CYSTM1: variants seen among roughly 807,000 people sequenced by gnomAD.
The protein encoded by CYSTM1 is cysteine rich transmembrane module containing 1, also known as cysteine-rich transmembrane module-containing protein 1.
Under a neutral mutation model 13.1 loss-of-function variants are expected in CYSTM1, and 4 were observed. That is an observed-to-expected ratio of 0.31 (90% confidence interval 0.15 to 0.70). The LOEUF (loss-of-function observed/expected upper bound fraction) is 0.70, where lower values mean the gene tolerates loss of function less well. CYSTM1 is among the 30% of genes least tolerant of loss of function. The pLI is 0.72. For missense variants in CYSTM1, 96 were observed against 121.6 expected (o/e 0.79, Z 0.99); for synonymous variants, 36 against 42.7 (o/e 0.84, Z 0.62).
At chr5:140,189,069 A>G (rs1457789248) in intron 1 of CYSTM1, among the ~76,000 whole-genome samples, 4 of 152,126 alleles carry the variant, frequency 2.6e-5, no homozygotes, top group African/African-American at 9.7e-5. Flanking sequence ...TTCAGTATCC[A>G]CAGATTTGTT....
intron 2 of CYSTM1, among the ~76,000 whole-genome samples, chr5:140,227,641 A>C (rs1213100824): frequency 6.6e-6 from 1 of 152,122 alleles, no homozygotes; most frequent in Non-Finnish European, 1.5e-5. Flanking sequence ...CCCAGGACTG[A>C]GGATGGGGCC....
intron 2 of CYSTM1, among the ~76,000 whole-genome samples, chr5:140,207,051 A>T (rs1764307477): frequency 6.6e-6 from 1 of 152,162 alleles, no homozygotes. Flanking sequence ...TGGTGTTTTC[A>T]TGGAATGCCT....
intron 2 of CYSTM1, chr5:140,200,102 T>TG (rs80301281): frequency 0.5 from 76,596 of 151,930 alleles, 19,552 homozygotes; most frequent in East Asian, 0.55. Context: ...TTTCTTTTGC[T>TG]GTGCAGAAGC....
intron 1 of CYSTM1, among the ~76,000 whole-genome samples, chr5:140,190,006 C>G (rs893480902): frequency 3.9e-5 from 6 of 152,110 alleles, no homozygotes; most frequent in Non-Finnish European, 8.8e-5. Flanking sequence ...ACCAATTAAT[C>G]CAGTGCTATT....
At chr5:140,207,146 A>T (rs1253183560) in intron 2 of CYSTM1, among the ~76,000 whole-genome samples, 1 of 152,068 alleles carries the variant, frequency 6.6e-6, no homozygotes, top group Non-Finnish European at 1.5e-5. Flanking sequence ...GTGGTTTCTG[A>T]CCCAGCAAGT....
chr5:140,192,864 C>T (rs1037259740), intron 1 of CYSTM1, among the ~76,000 whole-genome samples: 1 of 152,108 alleles, frequency 6.6e-6, no homozygotes, highest in Admixed American at 6.5e-5. Flanking sequence ...ATGAGCTTTC[C>T]CTGAAGCACA....
chr5:140,218,202 G>A (rs1764454062), intron 2 of CYSTM1, among the ~76,000 whole-genome samples: 1 of 152,118 alleles, frequency 6.6e-6, no homozygotes, highest in Non-Finnish European at 1.5e-5. Flanking sequence ...TTGGACTAAG[G>A]CAGTACCTTA....
chr5:140,189,266 C>A (rs925235380), intron 1 of CYSTM1, among the ~76,000 whole-genome samples: 4 of 152,102 alleles, frequency 2.6e-5, no homozygotes, highest in African/African-American at 9.7e-5. Flanking sequence ...TGAATGAGTT[C>A]TCACTCTATT....
intron 1 of CYSTM1, among the ~76,000 whole-genome samples, chr5:140,189,699 G>T (rs1472963558): frequency 6.6e-6 from 1 of 152,084 alleles, no homozygotes; most frequent in African/African-American, 2.4e-5. Context: ...TGAACATTTG[G>T]ATAGCTTTCA....
At chr5:140,179,962 C>A (rs920986094) in intron 1 of CYSTM1, among the ~76,000 whole-genome samples, 6 of 152,154 alleles carry the variant, frequency 3.9e-5, no homozygotes, top group African/African-American at 1.4e-4. Context: ...CGCGCCCAGC[C>A]TCACTCTCTT....
intron 2 of CYSTM1, among the ~76,000 whole-genome samples, chr5:140,212,265 C>T (rs10079878): frequency 0.028 from 4,244 of 152,208 alleles, 201 homozygotes; most frequent in African/African-American, 0.097. Flanking sequence ...ACGTAAATGA[C>T]GGTGATCCCA....
chr5:140,198,714 C>T (rs1764183373), intron 2 of CYSTM1, among the ~76,000 whole-genome samples: 1 of 152,194 alleles, frequency 6.6e-6, no homozygotes, highest in Non-Finnish European at 1.5e-5. Context: ...ACATACAATT[C>T]ATGTACCATA....
Position 140,175,481 on chromosome 5 carries a change from CCT to C in CYSTM1, c.-21+198_-21+199del, listed in dbSNP as rs1156301422. On this transcript the variant is annotated intron_variant, in intron 1 of 2. Coordinates refer to ENST00000261811, the MANE Select transcript of CYSTM1 (RefSeq NM_032412.4). The surrounding 1 kb of genome is among the most constrained non-coding windows in gnomAD (Gnocchi z 4.9). ...GGAAGCTGCTGCCGCCAGCTGGATC[CCT>C]CCCGGCGCCCCGCGGCTACTCTGGG... 6.6e-6 allele frequency among the ~76,000 whole-genome samples: 1 copy of C among 151,444 alleles called. No homozygotes were observed. Among genetic ancestry groups the C allele is most frequent in the Non-Finnish European group, 1.5e-5 (1 of 67,818 alleles).
At chr5:140,237,861 C>T (rs1194239575) in intron 2 of CYSTM1, among the ~76,000 whole-genome samples, 1 of 152,130 alleles carries the variant, frequency 6.6e-6, no homozygotes, top group Non-Finnish European at 1.5e-5. Flanking sequence ...TTGGTTTTGT[C>T]CAGGGGCAGC....
intron 1 of CYSTM1, among the ~76,000 whole-genome samples, chr5:140,186,784 CAAAATTTGATG>C: frequency 6.6e-6 from 1 of 152,166 alleles, no homozygotes; most frequent in Admixed American, 6.5e-5. Flanking sequence ...ATGTCAATGC[CAAAATTTGATG>C]AAAACTCTAA....
At chr5:140,212,411 T>TA (rs749686376) in intron 2 of CYSTM1, among the ~76,000 whole-genome samples, 1 of 152,176 alleles carries the variant, frequency 6.6e-6, no homozygotes, top group African/African-American at 2.4e-5. Flanking sequence ...GCCAGCTGTA[T>TA]AAAAGCATGG....
intron 2 of CYSTM1, among the ~76,000 whole-genome samples, chr5:140,231,103 C>G (rs1342298947): frequency 3.9e-5 from 6 of 152,186 alleles, no homozygotes; most frequent in African/African-American, 1.2e-4. Flanking sequence ...CAAGTAATCT[C>G]TCAATTTATT....
rs1581077037 is a variant in CYSTM1, at chr5:140,243,504, G to T, written c.*93G>T. On this transcript the variant is annotated 3_prime_UTR_variant, in exon 3 of 3. Transcript: ENST00000261811. ...TCTCTTCTGATTGCTGTTAACAAAT[G>T]ACTAGCTTTGCACAGACACCTCTAC... 9.8e-7 allele frequency: 1 copy of T among 1,022,080 alleles called. No individual in the cohort carries two copies. Among genetic ancestry groups the T allele is most frequent in the East Asian group, 2.5e-5 (1 of 39,434 alleles). 63.3% of individuals were successfully genotyped at this position (1,022,080 alleles called of 1,614,324 possible).
At chr5:140,207,036 C>T (rs886743168) in intron 2 of CYSTM1, among the ~76,000 whole-genome samples, 2 of 152,174 alleles carry the variant, frequency 1.3e-5, no homozygotes, top group Non-Finnish European at 2.9e-5. Context: ...CTTCCAGTGC[C>T]CAAATGGTGT....
Sources: allele counts gnomAD v4.1 joint callset (sites outside exome capture counted in the v4.1 genomes callset), GRCh38; gene constraint gnomAD v4.1.1; non-coding constraint Gnocchi (gnomAD v3.1); transcripts MANE v1.5; gene names NCBI Gene and HGNC (gene_info 2026-07-23, HGNC 2026-07-21).